The following LMCD1 variants were observed in gnomAD, a reference collection of about 807,000 sequenced individuals.
The protein encoded by LMCD1 is LIM and cysteine-rich domains protein 1.
In LMCD1, 32 loss-of-function variants were observed where a neutral mutation model predicts 42.7. The ratio of observed to expected loss-of-function variants is 0.75; its 90% confidence interval spans 0.57 to 1.01. LMCD1 has a LOEUF of 1.01. LMCD1 is among the 50% of genes least tolerant of loss of function. The probability of loss-of-function intolerance (pLI) is 0.00; values close to 1 mark genes in which losing one functional copy is unlikely to be tolerated. For missense variants in LMCD1, 458 were observed against 483.1 expected (o/e 0.95, Z 0.49); for synonymous variants, 178 against 184.9 (o/e 0.96, Z 0.30).
chr3:8,539,132 A>G (rs961187883), intron 3 of LMCD1, among the ~76,000 whole-genome samples: 8 of 152,216 alleles, frequency 5.3e-5, no homozygotes, highest in African/African-American at 1.7e-4. Context: ...AGAGACCACA[A>G]ATCACTCTGC....
At chr3:8,523,929 A>C (rs566204886) in intron 1 of LMCD1, among the ~76,000 whole-genome samples, 2 of 152,272 alleles carry the variant, frequency 1.3e-5, no homozygotes, top group East Asian at 3.9e-4. Flanking sequence ...ACTTTAAGTT[A>C]TGGACAGGCA....
chr3:8,514,579 T>A (rs144639160), intron 1 of LMCD1, among the ~76,000 whole-genome samples: 2 of 152,370 alleles, frequency 1.3e-5, no homozygotes, highest in African/African-American at 4.8e-5. Flanking sequence ...GGAGCCATGT[T>A]ATTCATTATA....
At chr3:8,519,735 T>C (rs1206760767) in intron 1 of LMCD1, among the ~76,000 whole-genome samples, 2 of 145,068 alleles carry the variant, frequency 1.4e-5, no homozygotes, top group Non-Finnish European at 3.0e-5. Flanking sequence ...TAAAAACATA[T>C]GATAGCAAAA....
At chr3:8,531,239 A>G (rs1694406483) in intron 1 of LMCD1, among the ~76,000 whole-genome samples, 1 of 152,210 alleles carries the variant, frequency 6.6e-6, no homozygotes, top group South Asian at 2.1e-4. Flanking sequence ...TACCCTACTC[A>G]TCATGCCTTT....
Position 8,511,337 on chromosome 3 carries a change from A to G in LMCD1, c.42+9357A>G, listed in dbSNP as rs1212205818. 2.6e-5 allele frequency among the ~76,000 whole-genome samples: 4 copies of G among 152,350 alleles called. No individual in the cohort carries two copies. The East Asian group carries it at 7.7e-4, about 29-fold the overall frequency. On this transcript the variant is annotated intron_variant, in intron 1 of 5. Transcript: ENST00000157600. The stretch of plus-strand genomic sequence containing the variant: ...AAGAATTTATTTTGTCTAAACCTGT[A>G]TTACACAAATATTATATGCCAGGGA...
At chr3:8,520,605 T>C (rs2125015983) in intron 1 of LMCD1, among the ~76,000 whole-genome samples, 1 of 152,280 alleles carries the variant, frequency 6.6e-6, no homozygotes, top group South Asian at 2.1e-4. Context: ...TTGGATAACT[T>C]GTGGCTCATA....
At chr3:8,556,704 C>T (rs1694938014) in intron 4 of LMCD1, among the ~76,000 whole-genome samples, 1 of 152,206 alleles carries the variant, frequency 6.6e-6, no homozygotes, top group Non-Finnish European at 1.5e-5. Context: ...GTGGACCAAG[C>T]AGCATCCTTT....
At chr3:8,503,796 G>T (rs1251370954) in intron 1 of LMCD1, among the ~76,000 whole-genome samples, 1 of 152,342 alleles carries the variant, frequency 6.6e-6, no homozygotes, top group Non-Finnish European at 1.5e-5. Context: ...AGGTGGCAGA[G>T]TTCCATTGTC....
intron 1 of LMCD1, 91 bp from the exon 2 acceptor site, chr3:8,532,646 C>T (rs1694433798): frequency 9.2e-7 from 1 of 1,091,500 alleles, no homozygotes; most frequent in African/African-American, 1.5e-5. Context: ...CACACAGTCC[C>T]TTTGCCAGCA....
chr3:8,543,110 C>G (rs183111250), intron 3 of LMCD1, among the ~76,000 whole-genome samples: 103 of 152,292 alleles, frequency 6.8e-4, no homozygotes, highest in African/African-American at 2.5e-3. Context: ...TTCCACTTCT[C>G]CGAAATCCTT....
At position 8,556,399 on chromosome 3, in the gene LMCD1, C is replaced by T. The variant is rs56091766; in HGVS notation, c.723+7496C>T. ...ATTTTTCCAGGAAGCTTTTTTTTTT[C>T]AGGAGTGTGTGTGTGTATGTGTGTG... is the stretch of plus-strand genomic sequence containing the variant. On this transcript the variant is annotated intron_variant, in intron 4 of 5. Transcript: ENST00000157600. Among the ~76,000 whole-genome samples the T allele has an allele frequency of 3.1e-4, 46 of 149,102 alleles. 1 individual carries two copies. Among genetic ancestry groups the T allele is most frequent in the South Asian group, 1.9e-3 (9 of 4,714 alleles).
chr3:8,567,433 T>C lies in LMCD1; in HGVS notation c.940-7T>C. 6.2e-7 allele frequency: 1 copy of C among 1,613,236 alleles called. No individual in the cohort carries two copies. The highest frequency in any genetic ancestry group is 8.5e-7 in the Non-Finnish European group (1 of 1,179,446). ...GAGTCATGCATTTCTCCTGCTCCCC[T>C]CCCCAGATAATATTCGCTGAGGACT... On this transcript the variant is annotated splice_region_variant and splice_polypyrimidine_tract_variant and intron_variant, in intron 5 of 5. Coordinates refer to ENST00000157600, the MANE Select transcript of LMCD1 (RefSeq NM_014583.4).
Position 8,569,312 on chromosome 3 carries a change from G to C in LMCD1, c.*1714G>C, listed in dbSNP as rs1195788558. On this transcript the variant is annotated 3_prime_UTR_variant, in exon 6 of 6. Transcript: ENST00000157600. Reference sequence around the variant, plus strand: ...ACTGGCTACCTGAAGACCAACTCTGGCTGTTGAAATTCTATTCATCCTATA... The same window carrying C: ...ACTGGCTACCTGAAGACCAACTCTGCCTGTTGAAATTCTATTCATCCTATA... 2 of 152,136 alleles carry C rather than the reference G, an allele frequency of 1.3e-5. No homozygotes were observed. Among genetic ancestry groups the C allele is most frequent in the African/African-American group, 4.8e-5 (2 of 41,390 alleles). The allele number at this position is 152,136 out of a possible 1,614,324, so 9.4% of individuals were successfully genotyped here.
At chr3:8,540,040 TCAATG>T in intron 3 of LMCD1, among the ~76,000 whole-genome samples, 1 of 151,648 alleles carries the variant, frequency 6.6e-6, no homozygotes, top group Admixed American at 6.6e-5. Context: ...TTCTTATTGT[TCAATG>T]CAGCCATAAA....
intron 3 of LMCD1, among the ~76,000 whole-genome samples, chr3:8,540,147 C>T (rs1039478640): frequency 3.9e-5 from 6 of 152,002 alleles, no homozygotes; most frequent in African/African-American, 7.2e-5. Flanking sequence ...AACCAAACAC[C>T]GCATGTTCTC....
rs541042174 is a variant in LMCD1 at position 8,550,430 on chromosome 3, C to T, written c.723+1527C>T. On this transcript the variant is annotated intron_variant, in intron 4 of 5. Transcript: ENST00000157600. ...CGACCCAGGGAAATGCCAGCCCAAA[C>T]AAAGCTGCTGCCACATCCAGAGAGG... 168 of 984,842 alleles carry T rather than the reference C, an allele frequency of 1.7e-4. 1 individual carries two copies. The African/African-American group carries it at 2.5e-3, about 14-fold the overall frequency. 61.0% of individuals were successfully genotyped at this position (984,842 alleles called of 1,614,324 possible). A position where few individuals can be genotyped will look rare whatever the true frequency, so the allele number is the denominator to read the frequency against.
chr3:8,566,209 CAATAT>C (rs1438958461), intron 5 of LMCD1, among the ~76,000 whole-genome samples: 4 of 152,124 alleles, frequency 2.6e-5, no homozygotes, highest in Admixed American at 6.5e-5. Flanking sequence ...CAATACAATA[CAATAT>C]GATAGAGATG....
intron 1 of LMCD1, among the ~76,000 whole-genome samples, chr3:8,525,514 G>A (rs913098634): frequency 3.3e-5 from 5 of 152,100 alleles, no homozygotes; most frequent in Non-Finnish European, 5.9e-5. Context: ...TGTGAATAGC[G>A]CTGCAGTGAA....
At chr3:8,562,335 G>A (rs1300324254) in intron 4 of LMCD1, among the ~76,000 whole-genome samples, 2 of 152,200 alleles carry the variant, frequency 1.3e-5, no homozygotes, top group African/African-American at 4.8e-5. Flanking sequence ...TGGGCATGCT[G>A]CTCCTTTGCC....
Sources: gnomAD v4.1 joint callset for allele counts (sites outside exome capture counted in the v4.1 genomes callset) on GRCh38, gnomAD v4.1.1 for gene constraint, MANE v1.5 for transcripts, NCBI Gene and HGNC (gene_info 2026-07-23, HGNC 2026-07-21) for gene names.